ERICH3: variants seen among roughly 807,000 people sequenced by gnomAD.
ERICH3 encodes the protein glutamate-rich protein 3.
A neutral mutation model predicts 131.1 loss-of-function variants in ERICH3; 126 were observed. That is an observed-to-expected ratio of 0.96 (90% CI 0.83 to 1.11). The LOEUF (loss-of-function observed/expected upper bound fraction) is 1.11. Ranked by LOEUF, ERICH3 falls within the 50% of genes most tolerant of loss-of-function variation. The pLI, the probability that ERICH3 is intolerant of heterozygous loss-of-function variation, is 0.00. For synonymous variants in ERICH3, 695 were observed against 644.6 expected, an observed-to-expected ratio of 1.08 and a Z score of -1.18; for missense variants, 2,050 against 1,810.7, an observed-to-expected ratio of 1.13 and a Z score of -2.40.
intron 8 of ERICH3, among the ~76,000 whole-genome samples, chr1:74,619,584 A>G (rs1407441357): frequency 1.3e-5 from 2 of 152,178 alleles, no homozygotes; most frequent in African/African-American, 4.8e-5. Context: ...GCACCTAGCC[A>G]GGGGCTCGGG....
chr1:74,647,565 T>C (rs1426290905), intron 2 of ERICH3, among the ~76,000 whole-genome samples: 2 of 152,146 alleles, frequency 1.3e-5, no homozygotes, highest in Non-Finnish European at 2.9e-5. Flanking sequence ...TGGATTTACT[T>C]ATTTTTCTTT....
In ERICH3 at chr1:74,599,782, A is replaced by G. The variant is rs770421522; in HGVS notation, c.1639T>C (p.Ser547Pro). The G allele has an allele frequency of 2.1e-5, 34 of 1,612,394 alleles. 1 individual carries two copies. The East Asian group carries it at 2.5e-4, about 12-fold the overall frequency. Reference protein sequence around the residue: ...NLDPEKESETSSQKAPDARDN... With the variant: ...NLDPEKESETPSQKAPDARDN... ...CGGGCATCTGGTGCCTTCTGTGATG[A>G]GGTTTCACTCTCTTTTTCAGGGTCT... is the stretch of plus-strand genomic sequence containing the variant. Residue 547 changes from serine (S) to proline (P), a missense_variant, in exon 11 of 15, where the codon TCA becomes CCA. Physicochemically the swap from Ser to Pro is moderately conservative, Grantham distance 74 (BLOSUM62 -1). Coordinates refer to ENST00000326665, the MANE Select transcript of ERICH3 (RefSeq NM_001002912.5).
intron 6 of ERICH3, among the ~76,000 whole-genome samples, chr1:74,633,016 T>C (rs886177755): frequency 6.6e-6 from 1 of 151,936 alleles, no homozygotes; most frequent in Non-Finnish European, 1.5e-5. Context: ...AGTAGGTTTA[T>C]CTATTTTGCA....
intron 12 of ERICH3, among the ~76,000 whole-genome samples, chr1:74,580,441 C>G (rs573813887): frequency 1.3e-5 from 2 of 152,160 alleles, no homozygotes; most frequent in African/African-American, 2.4e-5. Context: ...CCTTAGGACA[C>G]ATTCCTGGAA....
At chr1:74,637,423 C>T (rs772439480) in intron 5 of ERICH3, among the ~76,000 whole-genome samples, 1 of 152,082 alleles carries the variant, frequency 6.6e-6, no homozygotes. Context: ...AGTTGGTTTT[C>T]CTTAGCCCTG....
intron 8 of ERICH3, among the ~76,000 whole-genome samples, chr1:74,616,724 T>C (rs567088018): frequency 6.6e-6 from 1 of 152,020 alleles, no homozygotes; most frequent in South Asian, 2.1e-4. Context: ...GATGAGATCA[T>C]CCTGGATTTA....
rs541920788 is a variant in ERICH3 at position 74,584,040 on chromosome 1, C to T, written c.2176+5591G>A. Among the ~76,000 whole-genome samples the T allele has an allele frequency of 2.6e-5, 4 of 152,254 alleles. No individual in the cohort carries two copies. The South Asian group carries it at 8.3e-4, about 32-fold the overall frequency. ...CAACTTATTCCAAGTTCCTGGTGAC[C>T]TTGAAAAGTATCCCTGTGCTTTCAT... On this transcript the variant is annotated intron_variant, in intron 12 of 14. Transcript: ENST00000326665.
chr1:74,572,394 C>T lies in ERICH3; in HGVS notation c.3316G>A (p.Glu1106Lys), dbSNP rs781504771. Residue 1106 changes from glutamate (E) to lysine (K), a missense_variant, in exon 14 of 15, where the codon GAG (glutamate) becomes AAG (lysine). Glu to Lys is a moderately conservative substitution (Grantham distance 56, BLOSUM62 1). Coordinates refer to ENST00000326665, the MANE Select transcript of ERICH3 (RefSeq NM_001002912.5). ...QKLKAEEGET[E>K]TEVRAEEETK... Reference sequence around the variant, plus strand: ...TCTTCCTCAGCTCTTACTTCTGTCTCTGTTTCCCCTTCTTCCGCTTTAAGT... The same window carrying T: ...TCTTCCTCAGCTCTTACTTCTGTCTTTGTTTCCCCTTCTTCCGCTTTAAGT... 1 of 1,613,810 alleles carries T rather than the reference C, an allele frequency of 6.2e-7. No homozygotes were observed. The highest frequency in any genetic ancestry group is 1.7e-5 in the Admixed American group (1 of 60,010).
intron 1 of ERICH3, among the ~76,000 whole-genome samples, chr1:74,665,515 G>T (rs916468179): frequency 6.6e-6 from 1 of 152,150 alleles, no homozygotes; most frequent in African/African-American, 2.4e-5. Flanking sequence ...GCGTTAGTTT[G>T]GTAGGGCTGC....
At chr1:74,618,847 C>T (rs541958697) in intron 8 of ERICH3, among the ~76,000 whole-genome samples, 60 of 152,290 alleles carry the variant, frequency 3.9e-4, no homozygotes, top group African/African-American at 1.4e-3. Context: ...CTGCTCCAAG[C>T]ACAATGTTAA....
Position 74,631,841 on chromosome 1 carries a change from T to G in ERICH3, c.691A>C (p.Met231Leu). ...GGAAGTGGAGGAGGAATAGGCATCA[T>G]GTAACTGTTAATGTTTGGAAGTTGA... is the stretch of plus-strand genomic sequence containing the variant. Reference protein sequence around the residue: ...SYQLPNINSYMMPIPPPLPPT... With the variant: ...SYQLPNINSYLMPIPPPLPPT... The change falls in exon 7 of 15, where the codon ATG becomes CTG. Residue 231 changes from methionine to leucine, a missense_variant. Physicochemically the swap from Met to Leu is conservative, Grantham distance 15. Coordinates refer to ENST00000326665, the MANE Select transcript of ERICH3 (RefSeq NM_001002912.5). 6.2e-7 allele frequency: 1 copy of G among 1,613,548 alleles called. No homozygotes were observed. Among genetic ancestry groups the G allele is most frequent in the Admixed American group, 1.7e-5 (1 of 59,952 alleles).
At chr1:74,619,203 T>C (rs187138859) in intron 8 of ERICH3, among the ~76,000 whole-genome samples, 1 of 152,224 alleles carries the variant, frequency 6.6e-6, no homozygotes, top group African/African-American at 2.4e-5. Flanking sequence ...ACACCCTTTT[T>C]CCCATAACCT....
At chr1:74,673,361 G>T in intron 1 of ERICH3, 136 bp downstream of exon 1, 1 of 943,150 alleles carries the variant, frequency 1.1e-6, no homozygotes, top group Non-Finnish European at 1.6e-6. Flanking sequence ...CCCAGAATTC[G>T]TATATATTTT....
intron 12 of ERICH3, among the ~76,000 whole-genome samples, chr1:74,579,051 C>T (rs1020074875): frequency 6.6e-6 from 1 of 152,036 alleles, no homozygotes; most frequent in Non-Finnish European, 1.5e-5. Flanking sequence ...GAGATTATAT[C>T]GACTCAAGAC....
chr1:74,655,628 T>C (rs1250800030), intron 1 of ERICH3, among the ~76,000 whole-genome samples: 1 of 152,190 alleles, frequency 6.6e-6, no homozygotes, highest in African/African-American at 2.4e-5. Flanking sequence ...GTCAGATGAT[T>C]TACAATATTA....
chr1:74,589,638 C>G lies in ERICH3; in HGVS notation c.2169G>C (p.Glu723Asp). ...CTCAACGGCCATACTTACCACCTTC[C>G]TCCAACCCAGGGAGACCTGCCTTTT... is the stretch of plus-strand genomic sequence containing the variant. Reference protein sequence around the residue: ...KDKKAGLPGLEEGGKDSLPLA... With the variant: ...KDKKAGLPGLDEGGKDSLPLA... The change falls in exon 12 of 15, where the codon GAG becomes GAC. Residue 723 changes from glutamate to aspartate, a missense_variant. By Grantham distance (45) the Glu-to-Asp change is conservative (BLOSUM62 2). Coordinates refer to ENST00000326665, the MANE Select transcript of ERICH3 (RefSeq NM_001002912.5). The G allele has an allele frequency of 6.2e-7, 1 of 1,613,564 alleles. No homozygotes were observed. Among genetic ancestry groups the G allele is most frequent in the Non-Finnish European group, 8.5e-7 (1 of 1,179,702 alleles).
intron 12 of ERICH3, chr1:74,579,277 G>C (rs1296612933): frequency 1.8e-6 from 1 of 550,370 alleles, no homozygotes; most frequent in Non-Finnish European, 2.3e-6. Flanking sequence ...TTTCCAAGTA[G>C]TCCACAGGGT....
At chr1:74,660,173 C>T (rs1031644483) in intron 1 of ERICH3, among the ~76,000 whole-genome samples, 1 of 152,046 alleles carries the variant, frequency 6.6e-6, no homozygotes, top group Non-Finnish European at 1.5e-5. Context: ...ACTTCTCCTT[C>T]CTGCCACCAT....
intron 10 of ERICH3, among the ~76,000 whole-genome samples, chr1:74,603,481 T>C (rs568938868): frequency 1.0e-3 from 157 of 152,022 alleles, no homozygotes; most frequent in Admixed American, 1.4e-3. Flanking sequence ...TGCTTGGCAC[T>C]TTCATTATTG....
Sources: allele counts gnomAD v4.1 joint callset (sites outside exome capture counted in the v4.1 genomes callset), GRCh38; gene constraint gnomAD v4.1.1; transcripts MANE v1.5; gene names NCBI Gene and HGNC (gene_info 2026-07-23, HGNC 2026-07-21).